TMTC4: variants seen among roughly 807,000 people sequenced by gnomAD.
The protein encoded by TMTC4 is protein O-mannosyl-transferase TMTC4.
Under a neutral mutation model 86.0 loss-of-function variants are expected in TMTC4, and 65 were observed. The ratio of observed to expected loss-of-function variants is 0.76; its 90% CI spans 0.62 to 0.93. The LOEUF (loss-of-function observed/expected upper bound fraction) is 0.93. Ranked by LOEUF, TMTC4 falls within the 40% of genes least tolerant of loss-of-function variation. The pLI, the probability that TMTC4 is intolerant of heterozygous loss-of-function variation, is 0.00. For missense variants in TMTC4, 866 were observed against 948.1 expected (o/e 0.91, Z 1.14); for synonymous variants, 379 against 382.5 (o/e 0.99, Z 0.11).
Position 100,604,833 on chromosome 13 carries a change from A to G in TMTC4, c.*161T>C. The G allele has an allele frequency of 4.6e-6, 3 of 658,572 alleles. No individual in the cohort carries two copies. The highest frequency in any genetic ancestry group is 6.9e-6 in the Non-Finnish European group (3 of 435,772). The allele number at this position is 658,572 out of a possible 1,614,324, so 40.8% of individuals were successfully genotyped here. A position where few individuals can be genotyped will look rare whatever the true frequency, so the allele number is the denominator to read the frequency against. On this transcript the variant is annotated 3_prime_UTR_variant, in exon 19 of 19. Transcript: ENST00000342624. ...AATCATATCACGCATTCAAGAGTATATTGCTGGTGCTATAATCTTTTTGCA... is the reference window on the plus strand; with the variant it reads ...AATCATATCACGCATTCAAGAGTATGTTGCTGGTGCTATAATCTTTTTGCA...
At chr13:100,673,759 T>C (rs1163786979) in intron 1 of TMTC4, among the ~76,000 whole-genome samples, 1 of 152,190 alleles carries the variant, frequency 6.6e-6, no homozygotes, top group Non-Finnish European at 1.5e-5. Flanking sequence ...AAGTTTCCAG[T>C]TTGCTAGCTT....
intron 5 of TMTC4, among the ~76,000 whole-genome samples, chr13:100,661,119 T>C (rs1885724291): frequency 6.6e-6 from 1 of 152,236 alleles, no homozygotes; most frequent in South Asian, 2.1e-4. Context: ...TGAGTTTGAA[T>C]GGATGTCATG....
At chr13:100,634,012 C>T (rs539585123) in intron 12 of TMTC4, among the ~76,000 whole-genome samples, 13 of 152,000 alleles carry the variant, frequency 8.6e-5, no homozygotes, top group African/African-American at 2.9e-4. Context: ...TGGTAGCAAG[C>T]GCCTGTAATC....
At chr13:100,624,275 G>A (rs1241327032) in intron 15 of TMTC4, 5 of 151,010 alleles carry the variant, frequency 3.3e-5, no homozygotes, top group Admixed American at 6.6e-5. Flanking sequence ...GCAGTGAGCC[G>A]AGATCCCGTT....
At chr13:100,629,939 C>A (rs1881098694) in intron 12 of TMTC4, among the ~76,000 whole-genome samples, 1 of 151,980 alleles carries the variant, frequency 6.6e-6, no homozygotes, top group Admixed American at 6.6e-5. Context: ...TCACAAGAAA[C>A]CAACCCTGCT....
At chr13:100,613,115 A>G (rs1023185931) in intron 16 of TMTC4, among the ~76,000 whole-genome samples, 2 of 152,186 alleles carry the variant, frequency 1.3e-5, no homozygotes, top group African/African-American at 2.4e-5. Context: ...AACATTTCAC[A>G]TCTTCTAGTT....
At chr13:100,612,594 G>A in intron 16 of TMTC4, 84 bp from the exon 17 acceptor site, 1 of 948,366 alleles carries the variant, frequency 1.1e-6, no homozygotes. Context: ...CAGGGTTTAT[G>A]TGCACAGCAC....
At chr13:100,660,126 T>C (rs1452572543) in intron 5 of TMTC4, among the ~76,000 whole-genome samples, 3 of 150,478 alleles carry the variant, frequency 2.0e-5, no homozygotes, top group African/African-American at 7.4e-5. Flanking sequence ...GGGCCAAGAG[T>C]TCGACACCAG....
At chr13:100,628,520 T>C (rs1880877332) in intron 12 of TMTC4, among the ~76,000 whole-genome samples, 1 of 152,174 alleles carries the variant, frequency 6.6e-6, no homozygotes, top group Non-Finnish European at 1.5e-5. Flanking sequence ...GGAAATTGAA[T>C]TGTTGGATCA....
At chr13:100,619,127 A>C (rs1208461791) in intron 15 of TMTC4, among the ~76,000 whole-genome samples, 24 of 123,902 alleles carry the variant, frequency 1.9e-4, no homozygotes, top group Admixed American at 5.7e-4. Flanking sequence ...GGGCTGACCC[A>C]CCCACCTCCC....
intron 3 of TMTC4, among the ~76,000 whole-genome samples, chr13:100,666,493 G>T (rs138281230): frequency 7.2e-4 from 110 of 152,266 alleles, no homozygotes; most frequent in African/African-American, 2.6e-3. Context: ...ATTACACCCA[G>T]ACACCGGGGC....
intron 3 of TMTC4, among the ~76,000 whole-genome samples, chr13:100,668,208 C>A (rs1886627173): frequency 1.6e-5 from 2 of 128,124 alleles, no homozygotes; most frequent in South Asian, 2.5e-4. Flanking sequence ...GCAGCAAATG[C>A]GTGATGGGTT....
intron 6 of TMTC4, among the ~76,000 whole-genome samples, chr13:100,647,440 T>A (rs1043038277): frequency 6.7e-6 from 1 of 149,316 alleles, no homozygotes; most frequent in Non-Finnish European, 1.5e-5. Context: ...CCCACCAAAC[T>A]GTTACCTGAA....
chr13:100,653,466 G>C (rs1884700018), intron 6 of TMTC4, among the ~76,000 whole-genome samples: 1 of 152,146 alleles, frequency 6.6e-6, no homozygotes, highest in Admixed American at 6.5e-5. Context: ...CAGTCCTGAG[G>C]TCCTGAAGTG....
chr13:100,614,431 C>G lies in TMTC4; in HGVS notation c.1837-1G>C. On this transcript the variant is annotated splice_acceptor_variant, in intron 15 of 18. Transcript: ENST00000342624. LOFTEE classifies it high-confidence loss of function. ...CCACGTGGCGATTGAGATCTGCATA[C>G]TGAAAATAAAACACACCAAAAAATC... 6.2e-7 allele frequency: 1 copy of G among 1,608,060 alleles called. No homozygotes were observed.
In TMTC4 at chr13:100,614,368, T is replaced by C. The variant is rs1290511093; in HGVS notation, c.1899A>G (p.Lys633=). 1 of 1,613,432 alleles carries C rather than the reference T, an allele frequency of 6.2e-7. No homozygotes were observed. Among genetic ancestry groups the C allele is most frequent in the East Asian group, 2.2e-5 (1 of 44,878 alleles). Residue 633 remains lysine, a synonymous_variant, in exon 16 of 19, where the codon AAA becomes AAG. Transcript: ENST00000342624. ...LNAWRNATVL[K]PEHSLAWNNM... ...TGTTCCAGGCCAGGCTGTGCTCTGG[T>C]TTCAGCACGGTGGCATTTCTCCACG... is the stretch of plus-strand genomic sequence containing the variant.
At chr13:100,668,293 C>T (rs1446377207) in intron 3 of TMTC4, 1 of 378,282 alleles carries the variant, frequency 2.6e-6, no homozygotes, top group African/African-American at 2.0e-5. Context: ...CTGCAATGCC[C>T]TTGCCTTGTA....
Position 100,664,284 on chromosome 13 carries a change from C to A in TMTC4, c.272G>T (p.Gly91Val). ...LGDLWHHDFW[G>V]SRLSSNTSHK... Reference sequence around the variant, plus strand: ...GCTGGTGTTGCTGCTCAGTCTACTGCCCCAGAAGTCATGATGCCACAGGTC... The same window carrying A: ...GCTGGTGTTGCTGCTCAGTCTACTGACCCAGAAGTCATGATGCCACAGGTC... The change falls in exon 4 of 19, where the codon GGC becomes GTC. Residue 91 changes from glycine (G) to valine (V), a missense_variant. By Grantham distance (109) the Gly-to-Val change is moderately radical (BLOSUM62 -3). Transcript: ENST00000342624. The A allele has an allele frequency of 1.9e-6, 3 of 1,612,308 alleles. No homozygotes were observed. The highest frequency in any genetic ancestry group is 1.1e-5 in the South Asian group (1 of 90,866).
chr13:100,609,684 C>CAT (rs1167389399), intron 17 of TMTC4, among the ~76,000 whole-genome samples: 14 of 151,476 alleles, frequency 9.2e-5, no homozygotes, highest in African/African-American at 3.2e-4. Context: ...TATATATACA[C>CAT]ACACACACAC....
Sources: gnomAD v4.1 joint callset for allele counts (sites outside exome capture counted in the v4.1 genomes callset) on GRCh38, gnomAD v4.1.1 for gene constraint, MANE v1.5 for transcripts, NCBI Gene and HGNC (gene_info 2026-07-23, HGNC 2026-07-21) for gene names.